GRIP2: variants seen among roughly 807,000 people sequenced by gnomAD.
The protein encoded by GRIP2 is glutamate receptor interacting protein 2.
A neutral mutation model predicts 108.3 loss-of-function variants in GRIP2; 58 were observed. The ratio of observed to expected loss-of-function variants is 0.54; its 90% confidence interval spans 0.43 to 0.67. The LOEUF is 0.67. Ranked by LOEUF, GRIP2 falls within the 30% of genes least tolerant of loss-of-function variation. The pLI is 0.00. For synonymous variants in GRIP2, 586 were observed against 598.2 expected (o/e 0.98, Z 0.30); for missense variants, 1,278 against 1,430.6 (o/e 0.89, Z 1.72).
intron 10 of GRIP2, among the ~76,000 whole-genome samples, chr3:14,517,504 T>TA (rs1559341269): frequency 7.4e-6 from 1 of 135,980 alleles, no homozygotes; most frequent in Non-Finnish European, 1.6e-5. Flanking sequence ...CTTTTTTTTT[T>TA]TTTTTTTTTT....
the GRIP2 span, among the ~76,000 whole-genome samples, chr3:14,580,032 G>A: frequency 6.6e-6 from 1 of 152,200 alleles, no homozygotes; most frequent in Non-Finnish European, 1.5e-5. Flanking sequence ...TCTCCTTTCA[G>A]CACAGAGGCT....
chr3:14,571,646 T>C, the GRIP2 span, among the ~76,000 whole-genome samples: 2 of 152,170 alleles, frequency 1.3e-5, no homozygotes, highest in African/African-American at 4.8e-5. Context: ...AGCTGAACCG[T>C]CACCTGGCAG....
At chr3:14,497,366 C>T (rs1035581143) in intron 21 of GRIP2, among the ~76,000 whole-genome samples, 2 of 152,128 alleles carry the variant, frequency 1.3e-5, no homozygotes, top group South Asian at 2.1e-4. Flanking sequence ...GTGAGGCACT[C>T]GGGAAGTGAG....
At chr3:14,532,991 C>CT (rs1694749506) in intron 1 of GRIP2, among the ~76,000 whole-genome samples, 2 of 152,252 alleles carry the variant, frequency 1.3e-5, no homozygotes, top group Admixed American at 1.3e-4. Flanking sequence ...GCTCTCTTTG[C>CT]TTGCCAGCAG....
rs374942451 is a variant in GRIP2 at position 14,508,558 on chromosome 3, A to T, written c.2079-858T>A. On this transcript the variant is annotated intron_variant, in intron 17 of 23. Coordinates refer to ENST00000621039, the MANE Select transcript of GRIP2 (RefSeq NM_001080423.4). ...AGCTCCTGGAGAGTCATGCTTGGGC[A>T]TTGCCCTGCACTTCCCCAGGGATGA... Among the ~76,000 whole-genome samples the T allele has an allele frequency of 3.4e-4, 52 of 152,216 alleles. 3 individuals are homozygous for T. In the South Asian group the frequency reaches 0.01, roughly 30 times the overall value.
At chr3:14,572,931 C>T in the GRIP2 span, 18 of 1,384,068 alleles carry the variant, frequency 1.3e-5, no homozygotes, top group Middle Eastern at 1.8e-4. Flanking sequence ...ACACCACTCA[C>T]GGCAGACAGG....
the GRIP2 span, among the ~76,000 whole-genome samples, chr3:14,585,567 G>A: frequency 6.6e-6 from 1 of 152,164 alleles, no homozygotes; most frequent in African/African-American, 2.4e-5. Flanking sequence ...CTTGTCCTAG[G>A]GTGACTGTCA....
chr3:14,507,554 A>T lies in GRIP2; in HGVS notation c.2218+7T>A. The T allele has an allele frequency of 6.2e-7, 1 of 1,611,412 alleles. No individual in the cohort carries two copies. The highest frequency in any genetic ancestry group is 8.5e-7 in the Non-Finnish European group (1 of 1,177,664). The stretch of plus-strand genomic sequence containing the variant: ...GGGTGGCTCCCAGGGGATGAAGCGA[A>T]TCTCACGGTCTAGTTGCTTCTTGAT... On this transcript the variant is annotated splice_region_variant and intron_variant, in intron 18 of 23. Transcript: ENST00000621039. The surrounding 1 kb of genome is among the most constrained non-coding windows in gnomAD (Gnocchi z 4.6).
rs1694095213 is a variant in GRIP2, at chr3:14,511,574, G to T, written c.1721-95C>A. On this transcript the variant is annotated intron_variant, in intron 14 of 23. Transcript: ENST00000621039. The surrounding 1 kb of genome is among the most constrained non-coding windows in gnomAD (Gnocchi z 4.1). ...GTCTGAGTGTGGACTCGGAGCCACT[G>T]GTCCTACTCACATCCTGGTCCCACT... 1 of 1,176,966 alleles carries T rather than the reference G, an allele frequency of 8.5e-7. No homozygotes were observed. Among genetic ancestry groups the T allele is most frequent in the Non-Finnish European group, 1.2e-6 (1 of 807,588 alleles). The allele number at this position is 1,176,966 out of a possible 1,614,324, so 72.9% of individuals were successfully genotyped here.
intron 13 of GRIP2, among the ~76,000 whole-genome samples, chr3:14,513,339 T>C (rs1317598658): frequency 1.3e-5 from 2 of 152,178 alleles, no homozygotes; most frequent in Non-Finnish European, 2.9e-5. Flanking sequence ...AGCCACACTG[T>C]GTTGAGGTCA....
intron 1 of GRIP2, among the ~76,000 whole-genome samples, chr3:14,552,637 T>C (rs1286570779): frequency 3.9e-4 from 36 of 93,262 alleles, no homozygotes; most frequent in African/African-American, 7.2e-4. Context: ...TCTCTCTCTT[T>C]TTTTTTTTTT....
the GRIP2 span, chr3:14,574,325 G>A: frequency 1.4e-4 from 144 of 1,022,384 alleles, no homozygotes; most frequent in Non-Finnish European, 1.9e-4. Flanking sequence ...TCTCCCGGGC[G>A]AAGAGTTTGC....
chr3:14,533,087 C>T (rs1426882482), intron 1 of GRIP2, among the ~76,000 whole-genome samples: 8 of 152,352 alleles, frequency 5.3e-5, no homozygotes, highest in Non-Finnish European at 8.8e-5. Context: ...TCCGCTCATC[C>T]GCCTTCCACC....
chr3:14,519,952 T>C (rs548183324), intron 9 of GRIP2, among the ~76,000 whole-genome samples, 158 bp downstream of exon 9: 1 of 152,316 alleles, frequency 6.6e-6, no homozygotes, highest in East Asian at 1.9e-4. Context: ...CCACCCTCAG[T>C]TGCTGCTCTT....
At chr3:14,534,975 G>C (rs779320399) in intron 1 of GRIP2, among the ~76,000 whole-genome samples, 4 of 152,118 alleles carry the variant, frequency 2.6e-5, no homozygotes, top group African/African-American at 4.8e-5. Flanking sequence ...GGCTTTGACT[G>C]CTGCCCTGTT....
Position 14,514,156 on chromosome 3 carries a change from C to A in GRIP2, c.1493+136G>T, listed in dbSNP as rs75278010. 3.1e-3 allele frequency: 2,686 copies of A among 867,242 alleles called. 66 individuals are homozygous for A. In the African/African-American group the frequency reaches 0.04, roughly 13 times the overall value. The allele number at this position is 867,242 out of a possible 1,614,324, so 53.7% of individuals were successfully genotyped here. ...CAGCTTCTCTGAGCCTCGGTTTCCT[C>A]ATCTGTAAAATGGGGCTGGTGCTGG... is the stretch of plus-strand genomic sequence containing the variant. On this transcript the variant is annotated intron_variant, in intron 12 of 23. Coordinates refer to ENST00000621039, the MANE Select transcript of GRIP2 (RefSeq NM_001080423.4).
the GRIP2 span, among the ~76,000 whole-genome samples, chr3:14,580,720 C>CA: frequency 6.6e-6 from 1 of 152,124 alleles, no homozygotes. Flanking sequence ...AAGAAACAAA[C>CA]AAAAAACCCA....
chr3:14,569,943 C>T, the GRIP2 span, among the ~76,000 whole-genome samples: 23 of 152,070 alleles, frequency 1.5e-4, no homozygotes, highest in African/African-American at 5.1e-4. Context: ...AACCTTTGCA[C>T]GAGGACTATA....
intron 1 of GRIP2, among the ~76,000 whole-genome samples, chr3:14,554,040 G>T (rs1186924360): frequency 1.3e-5 from 2 of 152,128 alleles, no homozygotes; most frequent in Non-Finnish European, 2.9e-5. Context: ...GTGTGTGCAT[G>T]GGGAGAGGAA....
Sources: allele counts gnomAD v4.1 joint callset (sites outside exome capture counted in the v4.1 genomes callset), GRCh38; gene constraint gnomAD v4.1.1; non-coding constraint Gnocchi (gnomAD v3.1); transcripts MANE v1.5; gene names NCBI Gene and HGNC (gene_info 2026-07-23, HGNC 2026-07-21).